The following SSUH2 variants were observed in gnomAD, a reference collection of about 807,000 sequenced individuals.
The protein encoded by SSUH2 is ssu-2 homolog.
A neutral mutation model predicts 55.3 loss-of-function variants in SSUH2; 47 were observed. The observed-to-expected ratio is 0.85, with a 90% CI of 0.67 to 1.08. The LOEUF (loss-of-function observed/expected upper bound fraction) is 1.08. Ranked by LOEUF, SSUH2 falls within the 50% of genes least tolerant of loss-of-function variation. The pLI is 0.00. For missense variants in SSUH2, 535 were observed against 490.7 expected (o/e 1.09, Z -0.85); for synonymous variants, 212 against 191.5 (o/e 1.11, Z -0.89).
rs766241843 is a variant in SSUH2, at chr3:8,619,689, C to T, written c.*179G>A. The T allele has an allele frequency of 1.7e-6, 1 of 592,350 alleles. No individual in the cohort carries two copies. Among genetic ancestry groups the T allele is most frequent in the Non-Finnish European group, 2.9e-6 (1 of 346,918 alleles). 36.7% of individuals were successfully genotyped at this position (592,350 alleles called of 1,614,324 possible). Reference sequence around the variant, plus strand: ...GGTTAAACATATGAGTCATGGATTCCACCAGAGGAGCTGTATAAGGGGTTG... The same window carrying T: ...GGTTAAACATATGAGTCATGGATTCTACCAGAGGAGCTGTATAAGGGGTTG... On this transcript the variant is annotated 3_prime_UTR_variant, in exon 12 of 12. Transcript: ENST00000544814.
At position 8,681,217 on chromosome 3, in the gene SSUH2, C is replaced by T. The variant is rs369366673; in HGVS notation, c.-1046+674G>A. Among the ~76,000 whole-genome samples, 528 of 143,666 alleles carry T rather than the reference C, an allele frequency of 3.7e-3. 6 individuals carry two copies. Among genetic ancestry groups the T allele is most frequent in the African/African-American group, 0.013 (494 of 39,210 alleles). 94.3% of individuals were successfully genotyped at this position (143,666 alleles called of 152,430 possible). A position where few individuals can be genotyped will look rare whatever the true frequency, so the allele number is the denominator to read the frequency against. ...AATGAGAGCCAGCCCCTCTTCCCCCCCTGGCTCTCAGGACCCCCATCGCAG... is the reference window on the plus strand; with the variant it reads ...AATGAGAGCCAGCCCCTCTTCCCCCTCTGGCTCTCAGGACCCCCATCGCAG... On this transcript the variant is annotated intron_variant, in intron 1 of 18. Transcript: ENST00000317371.
At chr3:8,632,942 T>C (rs1699101082) in intron 4 of SSUH2, among the ~76,000 whole-genome samples, 1 of 152,200 alleles carries the variant, frequency 6.6e-6, no homozygotes, top group African/African-American at 2.4e-5. Flanking sequence ...AATCTGAGTT[T>C]GAATCTCACC....
intron 11 of SSUH2, among the ~76,000 whole-genome samples, chr3:8,621,017 C>A (rs1470480432): frequency 6.6e-6 from 1 of 152,178 alleles, no homozygotes; most frequent in African/African-American, 2.4e-5. Flanking sequence ...CAGCAGCCCA[C>A]CTTGGGAGCA....
At chr3:8,656,303 G>A (rs565266859) in intron 7 of SSUH2, among the ~76,000 whole-genome samples, 1 of 152,336 alleles carries the variant, frequency 6.6e-6, no homozygotes, top group African/African-American at 2.4e-5. Context: ...AGGAACAAAG[G>A]TTTGGTCCAG....
At chr3:8,680,806 A>C (rs1705884356) in intron 1 of SSUH2, among the ~76,000 whole-genome samples, 1 of 152,082 alleles carries the variant, frequency 6.6e-6, no homozygotes, top group South Asian at 2.1e-4. Context: ...AATATTGGAA[A>C]GAATATTGCA....
intron 1 of SSUH2, among the ~76,000 whole-genome samples, chr3:8,639,024 C>G (rs1171857523): frequency 6.6e-6 from 1 of 152,218 alleles, no homozygotes; most frequent in Admixed American, 6.5e-5. Context: ...CCTCTCAGAG[C>G]AGCTACAGTT....
chr3:8,651,875 G>C (rs1702453519), intron 7 of SSUH2: 1 of 152,646 alleles, frequency 6.6e-6, no homozygotes, highest in African/African-American at 2.4e-5. Context: ...CACACATACA[G>C]GAAACCCCTA....
intron 1 of SSUH2, among the ~76,000 whole-genome samples, chr3:8,642,787 G>C (rs561632772): frequency 1.6e-4 from 24 of 152,226 alleles, no homozygotes; most frequent in Admixed American, 9.8e-4. Flanking sequence ...CCCCTAAACA[G>C]GCACATTTAA....
At chr3:8,625,510 T>A (rs753604062) in intron 10 of SSUH2, 32 bp downstream of exon 10, 2 of 1,401,940 alleles carry the variant, frequency 1.4e-6, no homozygotes, top group Non-Finnish European at 2.0e-6. Flanking sequence ...GGAACCCAGC[T>A]TCCTTTGTTC....
At chr3:8,629,637 C>CTCACCAGTGGTTCACAGATGAT in intron 7 of SSUH2, 27 bp downstream of exon 7, 2 of 1,613,120 alleles carry the variant, frequency 1.2e-6, no homozygotes, top group Non-Finnish European at 1.7e-6. Context: ...CCCTCACTGA[C>CTCACCAGTGGTTCACAGATGAT]TCACCAGTGG....
rs374307147 is a variant in SSUH2 at position 8,666,147 on chromosome 3, TTTC to T, written c.-454-2348_-454-2346del. On this transcript the variant is annotated intron_variant, in intron 5 of 18. Transcript: ENST00000317371. ...AGACAAAATATCAGAAAAATATGGA[TTTC>T]TTAAATTCATTTTGCAGACATATTA... Among the ~76,000 whole-genome samples the T allele has an allele frequency of 3.0e-3, 455 of 152,314 alleles. 3 individuals carry two copies. Among genetic ancestry groups the T allele is most frequent in the African/African-American group, 0.011 (438 of 41,566 alleles).
intron 1 of SSUH2, among the ~76,000 whole-genome samples, chr3:8,643,018 CTT>C (rs1234957569): frequency 6.6e-6 from 1 of 152,208 alleles, no homozygotes; most frequent in Non-Finnish European, 1.5e-5. Context: ...GGCCCAAAGA[CTT>C]CACTTTTCTC....
intron 1 of SSUH2, chr3:8,639,979 G>A (rs1252623803): frequency 1.0e-6 from 1 of 985,322 alleles, no homozygotes; most frequent in Non-Finnish European, 1.2e-6. Context: ...ATGCACAAAT[G>A]CCTCGTGATT....
intron 3 of SSUH2, chr3:8,634,084 G>A (rs954362651): frequency 1.2e-6 from 1 of 859,186 alleles, no homozygotes; most frequent in Non-Finnish European, 1.8e-6. Flanking sequence ...CACAACCTTA[G>A]AGAGGAATTG....
At chr3:8,661,231 C>G (rs1160714884) in intron 6 of SSUH2, among the ~76,000 whole-genome samples, 1 of 152,252 alleles carries the variant, frequency 6.6e-6, no homozygotes, top group Non-Finnish European at 1.5e-5. Context: ...TTCACTCACT[C>G]TGTTCCCTCT....
chr3:8,637,381 G>A (rs1700094306), intron 1 of SSUH2, among the ~76,000 whole-genome samples: 1 of 152,194 alleles, frequency 6.6e-6, no homozygotes, highest in Non-Finnish European at 1.5e-5. Flanking sequence ...ATGCCAAGGA[G>A]GAAAGCATAA....
At chr3:8,631,245 G>T (rs927672596) in intron 5 of SSUH2, among the ~76,000 whole-genome samples, 7 of 152,066 alleles carry the variant, frequency 4.6e-5, no homozygotes, top group African/African-American at 1.7e-4. Flanking sequence ...CATACAAGAT[G>T]GTAGTGAAAA....
At chr3:8,640,208 A>G (rs1197074837) in intron 1 of SSUH2, 1 of 155,866 alleles carries the variant, frequency 6.4e-6, no homozygotes, top group East Asian at 1.9e-4. Flanking sequence ...GCACTTACAA[A>G]TGGCTAAGAT....
intron 1 of SSUH2, among the ~76,000 whole-genome samples, chr3:8,643,822 C>A (rs1701275121): frequency 6.6e-6 from 1 of 152,164 alleles, no homozygotes; most frequent in South Asian, 2.1e-4. Flanking sequence ...TGCCCACACC[C>A]TCATGGTCCT....
Sources: gnomAD v4.1 joint callset for allele counts (sites outside exome capture counted in the v4.1 genomes callset) on GRCh38, gnomAD v4.1.1 for gene constraint, MANE v1.5 for transcripts, NCBI Gene and HGNC (gene_info 2026-07-23, HGNC 2026-07-21) for gene names.